PLCH2: variants seen among roughly 807,000 people sequenced by gnomAD.
PLCH2 encodes phospholipase C eta 2.
In PLCH2, 98 loss-of-function variants were observed where a neutral mutation model predicts 134.7. That is an observed-to-expected ratio of 0.73 (90% CI 0.62 to 0.86). PLCH2 has a LOEUF of 0.86. Among genes scored for constraint, PLCH2 ranks in the 40% least tolerant of loss-of-function variants. The pLI, the probability that PLCH2 is intolerant of heterozygous loss-of-function variation, is 0.00. For missense variants in PLCH2, 1,994 were observed against 1,986.6 expected (o/e 1.00, Z -0.07); for synonymous variants, 974 against 827.5 (o/e 1.18, Z -3.04).
chr1:2,427,248 C>T (rs939008499), intron 1 of PLCH2, among the ~76,000 whole-genome samples: 2 of 152,116 alleles, frequency 1.3e-5, no homozygotes, highest in South Asian at 2.1e-4. Flanking sequence ...TGCAGTGGGG[C>T]GCCCTGGGGC....
intron 16 of PLCH2, chr1:2,497,903 C>T: frequency 2.6e-6 from 1 of 388,790 alleles, no homozygotes; most frequent in South Asian, 6.5e-5. Context: ...TCTGAGGGGC[C>T]CCAGTGCCAG....
chr1:2,454,852 G>A (rs2100567198), intron 2 of PLCH2, among the ~76,000 whole-genome samples: 1 of 152,300 alleles, frequency 6.6e-6, no homozygotes. Flanking sequence ...GTGGCAGTGT[G>A]GGTGAGACAG....
At chr1:2,467,476 G>A (rs989710741) in exon 1 of PLCH2, 2 of 394,354 alleles carry the variant, frequency 5.1e-6, no homozygotes, top group Non-Finnish European at 8.9e-6. Flanking sequence ...GGGCGCGGCA[G>A]GGCAGCGTGT....
chr1:2,483,267 AC>A (rs902348561), intron 4 of PLCH2, among the ~76,000 whole-genome samples: 1 of 152,074 alleles, frequency 6.6e-6, no homozygotes, highest in Non-Finnish European at 1.5e-5. Flanking sequence ...GCAGGGCGGA[AC>A]CCTGCCTTCA....
At chr1:2,473,816 C>T (rs889199128), upstream of PLCH2, among the ~76,000 whole-genome samples, 10 of 152,362 alleles carry the variant, frequency 6.6e-5, no homozygotes, top group Admixed American at 2.6e-4. Context: ...CTCTCCCCGA[C>T]GGAGCCTATA....
In PLCH2 at chr1:2,495,052, C is replaced by A. The variant is rs1012546445; in HGVS notation, c.1752+104C>A. On this transcript the variant is annotated intron_variant, in intron 12 of 21. Coordinates refer to ENST00000378486, the MANE Select transcript of PLCH2 (RefSeq NM_014638.4). ...CTCCCAGTGCCCCGTGTCCTCCCTG[C>A]TCCCAGTGCCCCAGTGGGCCCTGCC... 15 of 805,444 alleles carry A rather than the reference C, an allele frequency of 1.9e-5. No homozygotes were observed. In the Admixed American group the frequency reaches 2.9e-4, roughly 15 times the overall value. 49.9% of individuals were successfully genotyped at this position (805,444 alleles called of 1,614,324 possible).
intron 2 of PLCH2, among the ~76,000 whole-genome samples, chr1:2,440,343 C>T (rs1639630742): frequency 6.6e-6 from 1 of 152,244 alleles, no homozygotes; most frequent in East Asian, 1.9e-4. Context: ...CCCAGGAGCA[C>T]CCGGCCATGG....
At chr1:2,452,150 C>T (rs181850387) in intron 2 of PLCH2, among the ~76,000 whole-genome samples, 1,613 of 152,278 alleles carry the variant, frequency 0.011, 27 homozygotes, top group African/African-American at 0.036. Context: ...CCTGGAACCA[C>T]GGTGGCCGCC....
At chr1:2,417,265 C>T in the PLCH2 span, among the ~76,000 whole-genome samples, 1 of 152,084 alleles carries the variant, frequency 6.6e-6, no homozygotes, top group Non-Finnish European at 1.5e-5. Flanking sequence ...CAAGGGTCCC[C>T]CAAAAAGGAG....
intron 5 of PLCH2, 48 bp downstream of exon 5, chr1:2,484,666 C>T (rs1642197378): frequency 1.9e-6 from 3 of 1,589,584 alleles, no homozygotes; most frequent in African/African-American, 2.7e-5. Flanking sequence ...CAGGCCTCGC[C>T]TTCTGTTCTG....
At position 2,502,100 on chromosome 1, in the gene PLCH2, C is replaced by T. The variant is rs750516575; in HGVS notation, c.2662-12C>T. 7.6e-5 allele frequency: 109 copies of T among 1,428,386 alleles called. No homozygotes were observed. The highest frequency in any genetic ancestry group is 9.8e-5 in the Non-Finnish European group (107 of 1,095,222). 88.5% of individuals were successfully genotyped at this position (1,428,386 alleles called of 1,614,324 possible). ...CCCCTGGCAACAGCTACATGGGCTC[C>T]TTCTCTTGCAGGTCAAGCAGGCTCT... On this transcript the variant is annotated splice_polypyrimidine_tract_variant and intron_variant, in intron 20 of 21. Transcript: ENST00000378486.
At chr1:2,452,873 A>G (rs759631556) in intron 2 of PLCH2, among the ~76,000 whole-genome samples, 1 of 152,200 alleles carries the variant, frequency 6.6e-6, no homozygotes, top group African/African-American at 2.4e-5. Flanking sequence ...CCCGGAGCTC[A>G]GCAGAGCCTA....
At chr1:2,420,754 G>A in the PLCH2 span, among the ~76,000 whole-genome samples, 4 of 152,202 alleles carry the variant, frequency 2.6e-5, no homozygotes, top group African/African-American at 9.7e-5. Context: ...CTCCTCTCTC[G>A]ATTGGAGGGT....
At chr1:2,457,415 T>G (rs1322024773) in intron 2 of PLCH2, among the ~76,000 whole-genome samples, 2 of 152,084 alleles carry the variant, frequency 1.3e-5, no homozygotes, top group African/African-American at 2.4e-5. Flanking sequence ...AGGGGCTGAG[T>G]GCCCTCTGCC....
rs1172747800 is a variant in PLCH2 at position 2,439,086 on chromosome 1, C to A, written c.115+8457C>A. 6.6e-6 allele frequency among the ~76,000 whole-genome samples: 1 copy of A among 152,222 alleles called. No individual in the cohort carries two copies. Among genetic ancestry groups the A allele is most frequent in the Non-Finnish European group, 1.5e-5 (1 of 68,030 alleles). On this transcript the variant is annotated intron_variant, in intron 2 of 3. Coordinates refer to the PLCH2 transcript ENST00000609981. The surrounding 1 kb of genome is among the most constrained non-coding windows in gnomAD (Gnocchi z 4.7). ...TGCTAGACCTGGACGGAAATATCTC[C>A]CTTGCCAATGAGAAACTGTTTCAAG...
upstream of PLCH2, among the ~76,000 whole-genome samples, chr1:2,472,434 T>C (rs998856428): frequency 1.3e-5 from 2 of 152,146 alleles, no homozygotes; most frequent in Non-Finnish European, 2.9e-5. Context: ...ATGCTGGGGC[T>C]GCGAGGGGCA....
chr1:2,447,781 G>A (rs572174408), intron 2 of PLCH2, among the ~76,000 whole-genome samples: 38 of 152,318 alleles, frequency 2.5e-4, no homozygotes, highest in Non-Finnish European at 5.1e-4. Flanking sequence ...TGCTCTCTGA[G>A]TCTTTGGGGT....
At chr1:2,461,854 G>A (rs1640815621) in intron 2 of PLCH2, among the ~76,000 whole-genome samples, 1 of 126,994 alleles carries the variant, frequency 7.9e-6, no homozygotes, top group Admixed American at 8.3e-5. Context: ...GGCAGCTGGG[G>A]ATGCCAGACT....
chr1:2,495,319 G>A (rs1286210720), intron 12 of PLCH2, among the ~76,000 whole-genome samples, 169 bp from the exon 13 acceptor site: 1 of 152,162 alleles, frequency 6.6e-6, no homozygotes, highest in South Asian at 2.1e-4. Context: ...AGCCCAGATC[G>A]AGAGGGCACC....
Sources: gnomAD v4.1 joint callset for allele counts (sites outside exome capture counted in the v4.1 genomes callset) on GRCh38, gnomAD v4.1.1 for gene constraint, Gnocchi (gnomAD v3.1) non-coding constraint, MANE v1.5 for transcripts, NCBI Gene and HGNC (gene_info 2026-07-23, HGNC 2026-07-21) for gene names.